FAM204A: variants seen among roughly 807,000 people sequenced by gnomAD.
FAM204A encodes the protein protein FAM204A.
Under a neutral mutation model 35.4 loss-of-function variants are expected in FAM204A, and 16 were observed. That is an observed-to-expected ratio of 0.45 (90% CI 0.31 to 0.69). FAM204A has a LOEUF of 0.69. Ranked by LOEUF, FAM204A falls within the 30% of genes least tolerant of loss-of-function variation. The pLI, the probability that FAM204A is intolerant of heterozygous loss-of-function variation, is 0.07. For synonymous variants in FAM204A, 76 were observed against 86.9 expected, an observed-to-expected ratio of 0.88 and a Z score of 0.70; for missense variants, 240 against 265.7, an observed-to-expected ratio of 0.90 and a Z score of 0.67.
chr10:118,298,837 G>A lies in FAM204A; in HGVS notation c.*12020C>T, dbSNP rs1845777208. On this transcript the variant is annotated 3_prime_UTR_variant, in exon 9 of 9. Transcript: ENST00000369183. ...CTTCACTGATTCGGGAACCTCAAAT[G>A]CGTTTTCATTGTTAGGTTGCACCGT... 1 of 152,104 alleles carries A rather than the reference G, an allele frequency of 6.6e-6. No homozygotes were observed. The allele number at this position is 152,104 out of a possible 1,614,324, so 9.4% of individuals were successfully genotyped here.
intron 1 of FAM204A, 80 bp downstream of exon 1, chr10:118,342,190 T>G (rs1192530623): frequency 1.3e-5 from 2 of 152,330 alleles, no homozygotes; most frequent in African/African-American, 2.4e-5. Context: ...CTCCCTCGGC[T>G]GCCCACAAGA....
At chr10:118,330,775 T>C (rs1846275929) in intron 6 of FAM204A, among the ~76,000 whole-genome samples, 1 of 152,206 alleles carries the variant, frequency 6.6e-6, no homozygotes, top group African/African-American at 2.4e-5. Flanking sequence ...CCTTAAAGAC[T>C]GTAAGTTCAC....
At chr10:118,315,956 A>G (rs1846023685) in intron 7 of FAM204A, among the ~76,000 whole-genome samples, 1 of 152,132 alleles carries the variant, frequency 6.6e-6, no homozygotes, top group Non-Finnish European at 1.5e-5. Context: ...AAATTAGCAA[A>G]AAGTCGGCAC....
At chr10:118,340,679 C>T (rs1846462969) in intron 2 of FAM204A, among the ~76,000 whole-genome samples, 1 of 152,126 alleles carries the variant, frequency 6.6e-6, no homozygotes, top group Admixed American at 6.5e-5. Context: ...ACCCTAGTTA[C>T]AACAGGAAAC....
At position 118,308,101 on chromosome 10, in the gene FAM204A, A is replaced by T. The variant is rs550222455; in HGVS notation, c.*2756T>A. ...GCTCCCAAACAAGAATGCACTGCCA[A>T]CTTCCCTTTCTCAGAACCAGTGCTG... On this transcript the variant is annotated 3_prime_UTR_variant, in exon 9 of 9. Transcript: ENST00000369183. 4.6e-5 allele frequency: 7 copies of T among 152,340 alleles called. No homozygotes were observed. The South Asian group carries it at 1.2e-3, about 27-fold the overall frequency. The allele number at this position is 152,340 out of a possible 1,614,324, so 9.4% of individuals were successfully genotyped here.
rs1000115220 is a variant in FAM204A, at chr10:118,299,447, T to C, written c.*11410A>G. On this transcript the variant is annotated 3_prime_UTR_variant, in exon 9 of 9. Transcript: ENST00000369183. ...GTCAGGCTGGACTGCAGTGGTGCGATCACGGCTCACTGCAGCCTCGACCTC... is the reference window on the plus strand; with the variant it reads ...GTCAGGCTGGACTGCAGTGGTGCGACCACGGCTCACTGCAGCCTCGACCTC... The C allele has an allele frequency of 5.8e-5, 8 of 137,302 alleles. No homozygotes were observed. Among genetic ancestry groups the C allele is most frequent in the African/African-American group, 2.3e-4 (8 of 35,338 alleles). 8.5% of individuals were successfully genotyped at this position (137,302 alleles called of 1,614,324 possible).
chr10:118,310,499 A>AG lies in FAM204A; in HGVS notation c.*357_*358insC. The AG allele has an allele frequency of 5.2e-6, 1 of 192,450 alleles. No homozygotes were observed. Among genetic ancestry groups the AG allele is most frequent in the Non-Finnish European group, 1.0e-5 (1 of 95,618 alleles). The allele number at this position is 192,450 out of a possible 1,614,324, so 11.9% of individuals were successfully genotyped here. On this transcript the variant is annotated 3_prime_UTR_variant, in exon 9 of 9. Coordinates refer to ENST00000369183, the MANE Select transcript of FAM204A (RefSeq NM_022063.3). ...GCGAGGCTCTGTCTCAAAAAAAAAA[A>AG]AAAAAAGAAAGAAAGTACGAGAAGC...
chr10:118,313,393 G>A (rs1222185873), intron 7 of FAM204A, among the ~76,000 whole-genome samples: 2 of 152,100 alleles, frequency 1.3e-5, no homozygotes, highest in South Asian at 2.1e-4. Flanking sequence ...GCTTTAGTTC[G>A]GCAGTGACAC....
At chr10:118,336,060 C>A in intron 3 of FAM204A, 122 bp downstream of exon 3, 1 of 1,138,224 alleles carries the variant, frequency 8.8e-7, no homozygotes, top group Non-Finnish European at 1.2e-6. Flanking sequence ...TAAAAGCATT[C>A]TGAGTCCATC....
At chr10:118,340,339 G>T (rs1232312283) in intron 2 of FAM204A, among the ~76,000 whole-genome samples, 1 of 152,208 alleles carries the variant, frequency 6.6e-6, no homozygotes, top group Non-Finnish European at 1.5e-5. Context: ...GTTGGAAAAT[G>T]GTTTCTAGTC....
chr10:118,316,575 T>C (rs939029230), intron 7 of FAM204A, among the ~76,000 whole-genome samples: 3 of 152,194 alleles, frequency 2.0e-5, no homozygotes, highest in African/African-American at 7.2e-5. Flanking sequence ...GTATACTACA[T>C]GTATCTATAT....
rs1304203023 is a variant in FAM204A at position 118,303,433 on chromosome 10, C to T, written c.*7424G>A. On this transcript the variant is annotated 3_prime_UTR_variant, in exon 9 of 9. Coordinates refer to ENST00000369183, the MANE Select transcript of FAM204A (RefSeq NM_022063.3). Reference sequence around the variant, plus strand: ...TAACTGGAAGGACCAGGTATGTATCCTCCACCCCTTCCATCCATCCCTCCT... The same window carrying T: ...TAACTGGAAGGACCAGGTATGTATCTTCCACCCCTTCCATCCATCCCTCCT... The T allele has an allele frequency of 6.6e-6, 1 of 152,334 alleles. No homozygotes were observed. Among genetic ancestry groups the T allele is most frequent in the South Asian group, 2.1e-4 (1 of 4,810 alleles). 9.4% of individuals were successfully genotyped at this position (152,334 alleles called of 1,614,324 possible).
chr10:118,335,975 TC>T (rs988467142), intron 3 of FAM204A: 9 of 572,322 alleles, frequency 1.6e-5, no homozygotes, highest in East Asian at 3.0e-5. Flanking sequence ...TTTTTTTTTT[TC>T]CCCCTCCGTC....
At chr10:118,313,198 G>C (rs575628741) in intron 7 of FAM204A, among the ~76,000 whole-genome samples, 1 of 152,068 alleles carries the variant, frequency 6.6e-6, no homozygotes, top group South Asian at 2.1e-4. Context: ...AGTTAGGCTA[G>C]TCAACCTTGC....
chr10:118,328,773 G>A (rs1219342206), intron 6 of FAM204A, among the ~76,000 whole-genome samples: 1 of 152,166 alleles, frequency 6.6e-6, no homozygotes, highest in Admixed American at 6.5e-5. Flanking sequence ...TTACAGGCAT[G>A]AGCCACCACA....
intron 2 of FAM204A, among the ~76,000 whole-genome samples, chr10:118,336,730 A>G (rs1466806199): frequency 6.6e-6 from 1 of 152,188 alleles, no homozygotes; most frequent in Non-Finnish European, 1.5e-5. Context: ...TTTGTCTAAA[A>G]AAAACATGAA....
At chr10:118,331,843 T>TTATA (rs55733401) in intron 6 of FAM204A, among the ~76,000 whole-genome samples, 22,959 of 142,140 alleles carry the variant, frequency 0.16, 2,065 homozygotes, top group African/African-American at 0.23. Flanking sequence ...TTTGTTACCT[T>TTATA]TATATATATA....
intron 2 of FAM204A, chr10:118,337,218 G>A (rs1217078856): frequency 6.1e-6 from 6 of 983,252 alleles, no homozygotes; most frequent in African/African-American, 3.5e-5. Flanking sequence ...TAATACTCAA[G>A]TACATACTCA....
intron 6 of FAM204A, among the ~76,000 whole-genome samples, chr10:118,331,184 T>A (rs1369166997): frequency 6.6e-6 from 1 of 151,874 alleles, no homozygotes; most frequent in Non-Finnish European, 1.5e-5. Context: ...TGAAATAGAG[T>A]CTGAGTATTA....
Sources: allele counts gnomAD v4.1 joint callset (sites outside exome capture counted in the v4.1 genomes callset), GRCh38; gene constraint gnomAD v4.1.1; transcripts MANE v1.5; gene names NCBI Gene and HGNC (gene_info 2026-07-23, HGNC 2026-07-21).